The following PIK3C2G variants were observed in gnomAD, a reference collection of about 807,000 sequenced individuals.
PIK3C2G encodes the protein phosphatidylinositol 3-kinase C2 domain-containing subunit gamma.
In PIK3C2G, 168 loss-of-function variants were observed where a neutral mutation model predicts 181.1. That is an observed-to-expected ratio of 0.93 (90% CI 0.82 to 1.05). The LOEUF is 1.05. PIK3C2G is among the 50% of genes least tolerant of loss of function. The probability of loss-of-function intolerance (pLI) is 0.00; values close to 1 mark genes in which losing one functional copy is unlikely to be tolerated. For missense variants in PIK3C2G, 1,869 were observed against 1,732.8 expected, an observed-to-expected ratio of 1.08 and a Z score of -1.40; for synonymous variants, 573 against 592.2, an observed-to-expected ratio of 0.97 and a Z score of 0.47.
intron 5 of PIK3C2G, among the ~76,000 whole-genome samples, chr12:18,301,746 G>T (rs1950185302): frequency 6.6e-6 from 1 of 151,668 alleles, no homozygotes; most frequent in African/African-American, 2.4e-5. Flanking sequence ...GGAGAGTTTT[G>T]TGTTCTCTTG....
Position 18,503,424 on chromosome 12 carries a change from C to A in PIK3C2G, c.3153+7C>A. ...AAAGGCAGATTATGAAAAGGTTTGT[C>A]CTGTTGCAGATCATTTTAAATAATG... On this transcript the variant is annotated splice_region_variant and intron_variant, in intron 23 of 32. Transcript: ENST00000538779. 1 of 1,584,572 alleles carries A rather than the reference C, an allele frequency of 6.3e-7. No homozygotes were observed. The highest frequency in any genetic ancestry group is 8.6e-7 in the Non-Finnish European group (1 of 1,164,004).
intron 18 of PIK3C2G, among the ~76,000 whole-genome samples, chr12:18,468,199 G>A (rs1174545299): frequency 1.3e-5 from 2 of 151,934 alleles, no homozygotes. Flanking sequence ...CTTTAAGCTT[G>A]CATTCTGGAG....
chr12:18,273,376 C>A (rs529858541), intron 1 of PIK3C2G, among the ~76,000 whole-genome samples: 21 of 152,138 alleles, frequency 1.4e-4, no homozygotes, highest in Non-Finnish European at 1.5e-4. Flanking sequence ...GTTACTGTAG[C>A]CTTGTAGTAT....
the PIK3C2G span, chr12:18,696,348 A>ATATATATATATATATC: frequency 2.1e-4 from 46 of 214,292 alleles, 1 homozygote; most frequent in Admixed American, 6.9e-4. Context: ...ATATATATAT[A>ATATATATATATATATC]TATCATATAA....
the PIK3C2G span, among the ~76,000 whole-genome samples, chr12:18,660,263 A>C: frequency 1.3e-5 from 2 of 152,118 alleles, no homozygotes; most frequent in Non-Finnish European, 2.9e-5. Flanking sequence ...AGCTTGCCGA[A>C]ACCAGCAGGA....
intron 1 of PIK3C2G, among the ~76,000 whole-genome samples, chr12:18,269,913 T>TC: frequency 2.4e-5 from 1 of 42,522 alleles, no homozygotes; most frequent in East Asian, 3.8e-4. Flanking sequence ...TTTTCTTTTC[T>TC]TTTTTTTTTT....
chr12:18,471,482 C>T (rs572897549), intron 18 of PIK3C2G, among the ~76,000 whole-genome samples: 61 of 152,262 alleles, frequency 4.0e-4, no homozygotes, highest in South Asian at 1.0e-3. Flanking sequence ...ACTTTCTGCT[C>T]TTGTCCAATT....
At chr12:18,639,742 G>A (rs1316644490) in intron 31 of PIK3C2G, among the ~76,000 whole-genome samples, 4 of 152,080 alleles carry the variant, frequency 2.6e-5, no homozygotes, top group African/African-American at 9.7e-5. Flanking sequence ...GGAGGAGAGA[G>A]TTTAAGGAAG....
At chr12:18,563,040 G>C (rs1160512645) in intron 27 of PIK3C2G, 148 bp downstream of exon 27, 2 of 647,514 alleles carry the variant, frequency 3.1e-6, no homozygotes, top group Non-Finnish European at 5.3e-6. Context: ...GTGTCATTAA[G>C]AGGATGTTCC....
At chr12:18,584,602 C>G (rs1946678294) in intron 29 of PIK3C2G, among the ~76,000 whole-genome samples, 1 of 152,074 alleles carries the variant, frequency 6.6e-6, no homozygotes, top group Non-Finnish European at 1.5e-5. Context: ...AGAAAGCAAA[C>G]AACTTGGAAA....
intron 5 of PIK3C2G, among the ~76,000 whole-genome samples, chr12:18,298,532 C>T (rs767429528): frequency 6.6e-6 from 1 of 151,456 alleles, no homozygotes; most frequent in Admixed American, 6.6e-5. Context: ...GTTTGCTATG[C>T]AGGAGCTTTT....
chr12:18,358,676 C>CA, intron 11 of PIK3C2G: 1 of 498,058 alleles, frequency 2.0e-6, no homozygotes. Context: ...TCCTGTCCCA[C>CA]AAAATCCTCA....
intron 27 of PIK3C2G, 52 bp downstream of exon 27, chr12:18,562,944 G>C: frequency 8.2e-7 from 1 of 1,216,992 alleles, no homozygotes; most frequent in Non-Finnish European, 1.2e-6. Flanking sequence ...CTTTATCTCA[G>C]ACTTCTCTTC....
intron 1 of PIK3C2G, among the ~76,000 whole-genome samples, chr12:18,255,252 T>TAAATAAATAAACAAAC (rs1555136296): frequency 5.8e-4 from 84 of 143,726 alleles, no homozygotes; most frequent in South Asian, 1.6e-3. Flanking sequence ...AATAAATAAA[T>TAAATAAATAAACAAAC]AAACAAACAA....
rs758386260 is a variant in PIK3C2G, at chr12:18,488,640, A to G, written c.2685+11A>G. 2.1e-6 allele frequency: 3 copies of G among 1,449,024 alleles called. No individual in the cohort carries two copies. Among genetic ancestry groups the G allele is most frequent in the African/African-American group, 1.5e-5 (1 of 68,768 alleles). The allele number at this position is 1,449,024 out of a possible 1,614,324, so 89.8% of individuals were successfully genotyped here. A position where few individuals can be genotyped will look rare whatever the true frequency, so the allele number is the denominator to read the frequency against. On this transcript the variant is annotated intron_variant, in intron 19 of 32. Coordinates refer to ENST00000538779, the MANE Select transcript of PIK3C2G (RefSeq NM_001288772.2). ...GACCATCAAAGACAGGTTTGTTGAA[A>G]TATTAATATTCAGGTAGTAATGTTT...
the PIK3C2G span, chr12:18,699,951 C>T: frequency 6.2e-7 from 1 of 1,607,002 alleles, no homozygotes; most frequent in Admixed American, 1.7e-5. Flanking sequence ...GCTTCCTGGT[C>T]TAAAAATAAA....
Position 18,599,112 on chromosome 12 carries a change from T to C in PIK3C2G, c.4087+4543T>C, listed in dbSNP as rs1592683250. 2.6e-5 allele frequency among the ~76,000 whole-genome samples: 4 copies of C among 152,184 alleles called. No homozygotes were observed. The South Asian group carries it at 8.3e-4, about 32-fold the overall frequency. On this transcript the variant is annotated intron_variant, in intron 30 of 32. Coordinates refer to ENST00000538779, the MANE Select transcript of PIK3C2G (RefSeq NM_001288772.2). ...TGGCAATTCCTCAGGGATCTAGAAC[T>C]AGAAATACCATTTGACCCAGCCATC...
chr12:18,489,802 T>C (rs1025797934), intron 19 of PIK3C2G, among the ~76,000 whole-genome samples: 1 of 152,174 alleles, frequency 6.6e-6, no homozygotes, highest in African/African-American at 2.4e-5. Flanking sequence ...TTATCTCCTA[T>C]GTTTTAAAAT....
intron 5 of PIK3C2G, among the ~76,000 whole-genome samples, chr12:18,303,150 TTC>T (rs1950270461): frequency 9.6e-6 from 1 of 104,146 alleles, no homozygotes; most frequent in African/African-American, 4.1e-5. Flanking sequence ...TTTCTTTTCT[TTC>T]TTCTTTCTCT....
Sources: allele counts gnomAD v4.1 joint callset (sites outside exome capture counted in the v4.1 genomes callset), GRCh38; gene constraint gnomAD v4.1.1; transcripts MANE v1.5; gene names NCBI Gene and HGNC (gene_info 2026-07-23, HGNC 2026-07-21).